The following ANXA11 variants were observed in gnomAD, a reference collection of about 807,000 sequenced individuals.
The protein encoded by ANXA11 is 56 kDa autoantigen.
A neutral mutation model predicts 64.7 loss-of-function variants in ANXA11; 57 were observed. The observed-to-expected ratio is 0.88, with a 90% CI of 0.71 to 1.10. ANXA11 has a LOEUF of 1.10. Among genes scored for constraint, ANXA11 ranks in the 50% least tolerant of loss-of-function variants. The pLI is 0.00. For missense variants in ANXA11, 675 were observed against 670.7 expected (o/e 1.01, Z -0.07); for synonymous variants, 260 against 265.2 (o/e 0.98, Z 0.19).
intron 11 of ANXA11, among the ~76,000 whole-genome samples, chr10:80,162,447 C>T (rs2132381552): frequency 6.6e-6 from 1 of 152,388 alleles, no homozygotes; most frequent in Non-Finnish European, 1.5e-5. Context: ...GCAGGAGCAG[C>T]AGGTCTGAGA....
At chr10:80,191,095 T>C (rs1211495424) in intron 1 of ANXA11, among the ~76,000 whole-genome samples, 1 of 151,936 alleles carries the variant, frequency 6.6e-6, no homozygotes, top group Non-Finnish European at 1.5e-5. Context: ...TGTGGTGGCA[T>C]GCACCTGCAA....
intron 8 of ANXA11, 50 bp downstream of exon 8, chr10:80,166,034 A>ATGCGCGCGTGCG (rs758386221): frequency 1.5e-5 from 14 of 960,250 alleles, no homozygotes; most frequent in African/African-American, 1.0e-4. Flanking sequence ...GCGTGCGCAC[A>ATGCGCGCGTGCG]CACGCGCGCA....
rs545163758 is a variant in ANXA11, at chr10:80,194,024, G to C, written c.-58+11319C>G. On this transcript the variant is annotated intron_variant, in intron 1 of 15. Coordinates refer to ENST00000422982, the MANE Select transcript of ANXA11 (RefSeq NM_145868.2). ...AGTAGAGACAGGGTTTCGCCATGTT[G>C]ACCAGCCTGGTGAACTATATTCTTC... Among the ~76,000 whole-genome samples, 13 of 151,880 alleles carry C rather than the reference G, an allele frequency of 8.6e-5. No homozygotes were observed. In the East Asian group the frequency reaches 2.6e-3, roughly 30 times the overall value.
intron 5 of ANXA11, among the ~76,000 whole-genome samples, chr10:80,168,111 G>T (rs992502887): frequency 6.6e-6 from 1 of 152,120 alleles, no homozygotes; most frequent in South Asian, 2.1e-4. Flanking sequence ...GGCTGGTTGG[G>T]CCACAGAACC....
At chr10:80,184,168 A>T (rs1222867640) in intron 1 of ANXA11, among the ~76,000 whole-genome samples, 1 of 152,214 alleles carries the variant, frequency 6.6e-6, no homozygotes, top group Non-Finnish European at 1.5e-5. Context: ...TTTTGAAGCA[A>T]ATCCCAGACA....
At chr10:80,161,693 T>C (rs1252971051) in intron 12 of ANXA11, among the ~76,000 whole-genome samples, 1 of 152,238 alleles carries the variant, frequency 6.6e-6, no homozygotes. Flanking sequence ...ACTCTGACGT[T>C]CCACATTCCC....
chr10:80,186,601 G>A (rs1189080326), intron 1 of ANXA11, among the ~76,000 whole-genome samples: 1 of 152,186 alleles, frequency 6.6e-6, no homozygotes, highest in Non-Finnish European at 1.5e-5. Flanking sequence ...AGAGGGACCC[G>A]CAGAGGCAGG....
chr10:80,152,581 A>G lies in ANXA11; in HGVS notation c.*3272T>C, dbSNP rs1845176257. The G allele has an allele frequency of 1.3e-5, 2 of 152,380 alleles. No homozygotes were observed. The highest frequency in any genetic ancestry group is 1.3e-4 in the Admixed American group (2 of 15,274). 9.4% of individuals were successfully genotyped at this position (152,380 alleles called of 1,614,324 possible). ...TTCGAGGGGACTGGGTGGATGGGCG[A>G]TAGCTGAAAGAAAACCTGGCGGGCC... On this transcript the variant is annotated 3_prime_UTR_variant, in exon 16 of 16. Transcript: ENST00000422982.
At chr10:80,176,742 T>C (rs910715902) in intron 1 of ANXA11, among the ~76,000 whole-genome samples, 1 of 152,106 alleles carries the variant, frequency 6.6e-6, no homozygotes, top group Non-Finnish European at 1.5e-5. Context: ...CTCGTGGAGC[T>C]CATTCTTGGG....
intron 1 of ANXA11, among the ~76,000 whole-genome samples, chr10:80,188,511 A>ATATATATAT (rs1554834982): frequency 3.2e-5 from 4 of 126,534 alleles, no homozygotes; most frequent in Non-Finnish European, 6.7e-5. Flanking sequence ...ATATATATAT[A>ATATATATAT]GCACTACAAC....
Position 80,167,225 on chromosome 10 carries a change from C to T in ANXA11, c.649+1G>A, listed in dbSNP as rs753252889. 5 of 1,613,822 alleles carry T rather than the reference C, an allele frequency of 3.1e-6. No individual in the cohort carries two copies. In the African/African-American group the frequency reaches 4.0e-5, roughly 13 times the overall value. On this transcript the variant is annotated splice_donor_variant, in intron 6 of 15. Transcript: ENST00000422982. LOFTEE classifies it high-confidence loss of function. Reference sequence around the variant, plus strand: ...GATTTGAGCCACCCAGGGTCTCTTACCGAAGCCTTTCATGGCCTTCCGCAG... The same window carrying T: ...GATTTGAGCCACCCAGGGTCTCTTATCGAAGCCTTTCATGGCCTTCCGCAG...
intron 12 of ANXA11, among the ~76,000 whole-genome samples, chr10:80,161,326 C>T (rs1456014455): frequency 1.3e-5 from 2 of 152,216 alleles, no homozygotes; most frequent in Admixed American, 1.3e-4. Flanking sequence ...ATGTCACGAC[C>T]TCAGTGGGGA....
intron 1 of ANXA11, among the ~76,000 whole-genome samples, chr10:80,194,071 G>C (rs1846888063): frequency 6.6e-6 from 1 of 152,024 alleles, no homozygotes; most frequent in Non-Finnish European, 1.5e-5. Flanking sequence ...GAAAAAACAG[G>C]CATATATTTT....
At chr10:80,176,730 C>T (rs1026004312) in intron 1 of ANXA11, among the ~76,000 whole-genome samples, 7 of 151,826 alleles carry the variant, frequency 4.6e-5, no homozygotes, top group South Asian at 2.1e-4. Flanking sequence ...GCCTTGATGG[C>T]GCTCGTGGAG....
At chr10:80,182,966 C>A (rs1482198285) in intron 1 of ANXA11, among the ~76,000 whole-genome samples, 1 of 152,146 alleles carries the variant, frequency 6.6e-6, no homozygotes, top group Non-Finnish European at 1.5e-5. Flanking sequence ...GGAAAAAAAA[C>A]ACACATCTGG....
At chr10:80,156,549 T>G in intron 15 of ANXA11, 1 of 457,708 alleles carries the variant, frequency 2.2e-6, no homozygotes, top group Non-Finnish European at 4.5e-6. Context: ...AGTCTCACTC[T>G]GTCACCAAGA....
chr10:80,163,365 G>A lies in ANXA11; in HGVS notation c.1070C>T (p.Ala357Val). 6.2e-7 allele frequency: 1 copy of A among 1,613,508 alleles called. No individual in the cohort carries two copies. The highest frequency in any genetic ancestry group is 8.5e-7 in the Non-Finnish European group (1 of 1,180,042). ...DESTNVDMSLAQRDAQELYAA... is the reference protein window; with the variant it reads ...DESTNVDMSLVQRDAQELYAA... ...CACACTCACCTGGGCATCTCTCTGG[G>A]CGAGTGACATGTCCACGTTTGTGCT... The change falls in exon 11 of 16, where the codon GCC becomes GTC. Residue 357 changes from alanine (A) to valine (V), a missense_variant. Physicochemically the swap from Ala to Val is moderately conservative, Grantham distance 64. Transcript: ENST00000422982.
At chr10:80,172,968 G>A (rs1846038215) in intron 2 of ANXA11, 99 bp from the exon 3 acceptor site, 7 of 1,014,076 alleles carry the variant, frequency 6.9e-6, no homozygotes, top group Admixed American at 1.9e-5. Flanking sequence ...CCACAACTGG[G>A]ACCCTGCAGA....
intron 13 of ANXA11, among the ~76,000 whole-genome samples, chr10:80,158,504 C>T (rs1478331665): frequency 6.6e-6 from 1 of 152,118 alleles, no homozygotes; most frequent in Non-Finnish European, 1.5e-5. Flanking sequence ...TCTCTCCCAT[C>T]CAGAAAGCTC....
Sources: gnomAD v4.1 joint callset for allele counts (sites outside exome capture counted in the v4.1 genomes callset) on GRCh38, gnomAD v4.1.1 for gene constraint, MANE v1.5 for transcripts, NCBI Gene and HGNC (gene_info 2026-07-23, HGNC 2026-07-21) for gene names.